CCSER1: variants seen among roughly 807,000 people sequenced by gnomAD.
CCSER1 encodes coiled-coil serine rich protein 1, also known as serine-rich coiled-coil domain-containing protein 1.
A neutral mutation model predicts 82.0 loss-of-function variants in CCSER1; 41 were observed. The ratio of observed to expected loss-of-function variants is 0.50; its 90% CI spans 0.39 to 0.65. CCSER1 has a LOEUF of 0.65. Ranked by LOEUF, CCSER1 falls within the 30% of genes least tolerant of loss-of-function variation. The probability of loss-of-function intolerance (pLI) is 0.00; values close to 1 mark genes in which losing one functional copy is unlikely to be tolerated. For synonymous variants in CCSER1, 414 were observed against 383.9 expected (o/e 1.08, Z -0.92); for missense variants, 1,119 against 1,064.2 (o/e 1.05, Z -0.72).
At chr4:90,918,223 A>T in intron 8 of CCSER1, 1 of 455,010 alleles carries the variant, frequency 2.2e-6, no homozygotes, top group African/African-American at 2.0e-5. Flanking sequence ...ATTTCTTTTT[A>T]TTATAGATTC....
intron 10 of CCSER1, among the ~76,000 whole-genome samples, chr4:91,260,061 C>G (rs1029561560): frequency 6.6e-6 from 1 of 152,132 alleles, no homozygotes; most frequent in African/African-American, 2.4e-5. Context: ...CACAGAGGGA[C>G]AAAAGTCAAA....
chr4:91,341,554 T>C (rs1229882909), intron 10 of CCSER1, among the ~76,000 whole-genome samples: 2 of 152,156 alleles, frequency 1.3e-5, no homozygotes, highest in Non-Finnish European at 2.9e-5. Context: ...TTTGTTTTGT[T>C]TTGTTTTTTG....
At position 90,792,681 on chromosome 4, in the gene CCSER1, T is replaced by C. The variant is rs1227186863; in HGVS notation, c.2011-23081T>C. Among the ~76,000 whole-genome samples the C allele has an allele frequency of 3.3e-5, 5 of 152,264 alleles. No individual in the cohort carries two copies. In the East Asian group the frequency reaches 9.6e-4, roughly 29 times the overall value. On this transcript the variant is annotated intron_variant, in intron 7 of 10. Transcript: ENST00000509176. ...ACTTACAGCTCAAAGGAAAGAAGGC[T>C]GCCCTGTAGGACCATGCAATAGGTT...
intron 7 of CCSER1, among the ~76,000 whole-genome samples, chr4:90,765,798 C>T (rs1257646723): frequency 1.3e-5 from 2 of 152,092 alleles, no homozygotes; most frequent in Non-Finnish European, 2.9e-5. Flanking sequence ...TACCTAGATA[C>T]AAGAGTCAGA....
chr4:90,915,386 G>A (rs34418395), intron 8 of CCSER1, among the ~76,000 whole-genome samples: 9 of 152,056 alleles, frequency 5.9e-5, no homozygotes, highest in Admixed American at 1.3e-4. Context: ...ACGTAACCCA[G>A]CATATAAACA....
chr4:90,970,627 G>A (rs1735014274), intron 9 of CCSER1, among the ~76,000 whole-genome samples: 1 of 151,858 alleles, frequency 6.6e-6, no homozygotes, highest in Admixed American at 6.6e-5. Flanking sequence ...TCCAACAGCA[G>A]CAGAATGCAC....
chr4:90,229,230 G>A (rs1360443453), intron 1 of CCSER1, among the ~76,000 whole-genome samples: 1 of 152,092 alleles, frequency 6.6e-6, no homozygotes, highest in Non-Finnish European at 1.5e-5. Context: ...GAAAGGTCGG[G>A]TTACCCACAA....
intron 6 of CCSER1, among the ~76,000 whole-genome samples, chr4:90,705,498 G>A (rs1280616036): frequency 6.6e-6 from 1 of 152,192 alleles, no homozygotes; most frequent in South Asian, 2.1e-4. Flanking sequence ...TCTCTTCAAA[G>A]GTGTCAGACA....
intron 10 of CCSER1, among the ~76,000 whole-genome samples, chr4:91,537,831 A>G (rs1553952146): frequency 6.6e-6 from 1 of 151,606 alleles, no homozygotes; most frequent in Non-Finnish European, 1.5e-5. Flanking sequence ...TTTTTTCTTT[A>G]TATTCATCCT....
chr4:90,416,483 A>G (rs1207248743), intron 4 of CCSER1, among the ~76,000 whole-genome samples: 2 of 152,182 alleles, frequency 1.3e-5, no homozygotes, highest in African/African-American at 2.4e-5. Context: ...CAGTTTCCTC[A>G]TTTGTAAAAT....
At chr4:91,448,320 T>A (rs1387943425) in intron 10 of CCSER1, among the ~76,000 whole-genome samples, 1 of 152,140 alleles carries the variant, frequency 6.6e-6, no homozygotes, top group Non-Finnish European at 1.5e-5. Flanking sequence ...CTCCTGTTCT[T>A]CTTTAAATGT....
At chr4:91,065,303 G>A (rs185954765) in intron 9 of CCSER1, among the ~76,000 whole-genome samples, 3 of 152,220 alleles carry the variant, frequency 2.0e-5, no homozygotes, top group Admixed American at 6.5e-5. Context: ...AATACAGGAA[G>A]CTATGAATAT....
intron 1 of CCSER1, among the ~76,000 whole-genome samples, chr4:90,217,686 A>C (rs917627493): frequency 2.0e-5 from 3 of 152,080 alleles, no homozygotes; most frequent in Non-Finnish European, 4.4e-5. Flanking sequence ...TCTCAAGGGG[A>C]ATGTGTCCAG....
chr4:90,410,577 C>A (rs1008244681), intron 4 of CCSER1, among the ~76,000 whole-genome samples: 9 of 152,084 alleles, frequency 5.9e-5, no homozygotes, highest in African/African-American at 1.9e-4. Flanking sequence ...TTCTTTGAAA[C>A]CAACGAGAAC....
chr4:90,604,768 TG>T (rs1460793660), intron 5 of CCSER1, among the ~76,000 whole-genome samples: 2 of 152,034 alleles, frequency 1.3e-5, no homozygotes, highest in African/African-American at 4.8e-5. Context: ...AGTGGGGACT[TG>T]GAGAACTTTT....
intron 10 of CCSER1, among the ~76,000 whole-genome samples, chr4:91,188,416 GTTA>G (rs1314379433): frequency 6.6e-6 from 1 of 152,042 alleles, no homozygotes; most frequent in African/African-American, 2.4e-5. Context: ...TTCTGCTACT[GTTA>G]TTATTTTATT....
At chr4:90,296,979 C>CT (rs1473546847) in intron 1 of CCSER1, among the ~76,000 whole-genome samples, 1 of 152,098 alleles carries the variant, frequency 6.6e-6, no homozygotes. Flanking sequence ...AATGTGGGCT[C>CT]TTTTTTGTTT....
At chr4:91,034,739 G>T (rs897241524) in intron 9 of CCSER1, among the ~76,000 whole-genome samples, 2 of 152,096 alleles carry the variant, frequency 1.3e-5, no homozygotes, top group Non-Finnish European at 2.9e-5. Flanking sequence ...ATGTTCAAAT[G>T]TATAAAGGAT....
At chr4:90,311,083 T>G (rs888430153) in intron 2 of CCSER1, among the ~76,000 whole-genome samples, 1 of 152,110 alleles carries the variant, frequency 6.6e-6, no homozygotes, top group African/African-American at 2.4e-5. Flanking sequence ...GAAGATTGCA[T>G]GCACTGTTTC....
Sources: gnomAD v4.1 joint callset for allele counts (sites outside exome capture counted in the v4.1 genomes callset) on GRCh38, gnomAD v4.1.1 for gene constraint, MANE v1.5 for transcripts, NCBI Gene and HGNC (gene_info 2026-07-23, HGNC 2026-07-21) for gene names.